PAM: variants seen among roughly 807,000 people sequenced by gnomAD.
PAM encodes peptidyl-glycine alpha-amidating monooxygenase.
A neutral mutation model predicts 122.1 loss-of-function variants in PAM; 72 were observed. That is an observed-to-expected ratio of 0.59 (90% CI 0.49 to 0.72). The LOEUF is 0.72. Among genes scored for constraint, PAM ranks in the 30% least tolerant of loss-of-function variants. The probability of loss-of-function intolerance (pLI) is 0.00; values close to 1 mark genes in which losing one functional copy is unlikely to be tolerated. For synonymous variants in PAM, 389 were observed against 404.4 expected (o/e 0.96, Z 0.46); for missense variants, 1,106 against 1,183.7 (o/e 0.93, Z 0.96).
At chr5:103,026,575 A>G (rs1019371930) in intron 24 of PAM, among the ~76,000 whole-genome samples, 3 of 152,336 alleles carry the variant, frequency 2.0e-5, no homozygotes, top group Admixed American at 6.5e-5. Flanking sequence ...GCAAAGAGAA[A>G]TAAACATAGT....
At chr5:103,018,317 A>G (rs1012747458) in intron 22 of PAM, among the ~76,000 whole-genome samples, 3 of 152,240 alleles carry the variant, frequency 2.0e-5, no homozygotes, top group South Asian at 2.1e-4. Flanking sequence ...AAAAACATAA[A>G]TTATAAAAAG....
chr5:103,002,749 G>C (rs1777777189), intron 16 of PAM, among the ~76,000 whole-genome samples: 2 of 152,110 alleles, frequency 1.3e-5, no homozygotes, highest in South Asian at 4.1e-4. Flanking sequence ...GTGAGCATAG[G>C]AACCACCCAA....
At chr5:102,886,426 A>G (rs1793114063) in intron 3 of PAM, among the ~76,000 whole-genome samples, 1 of 152,000 alleles carries the variant, frequency 6.6e-6, no homozygotes, top group Admixed American at 6.6e-5. Flanking sequence ...CAAGACTGAA[A>G]TGATTTTCCA....
intron 1 of PAM, among the ~76,000 whole-genome samples, chr5:102,798,061 A>C (rs1210705151): frequency 6.6e-6 from 1 of 152,178 alleles, no homozygotes; most frequent in Admixed American, 6.5e-5. Flanking sequence ...CCCCAGGATT[A>C]ACAGTTTCAG....
intron 3 of PAM, among the ~76,000 whole-genome samples, chr5:102,871,940 C>T (rs1380569892): frequency 6.6e-6 from 1 of 151,802 alleles, no homozygotes; most frequent in Non-Finnish European, 1.5e-5. Context: ...CTTACAAGTG[C>T]AAACAAATTT....
At chr5:102,918,003 C>T (rs953970248) in intron 5 of PAM, among the ~76,000 whole-genome samples, 4 of 152,124 alleles carry the variant, frequency 2.6e-5, no homozygotes, top group Non-Finnish European at 4.4e-5. Flanking sequence ...TAATTATATG[C>T]ATGTGCATTT....
Position 102,801,500 on chromosome 5 carries a change from G to C in PAM, c.-374+46152G>C, listed in dbSNP as rs1764685238. Among the ~76,000 whole-genome samples, 3 of 152,162 alleles carry C rather than the reference G, an allele frequency of 2.0e-5. No homozygotes were observed. The South Asian group carries it at 6.2e-4, about 32-fold the overall frequency. On this transcript the variant is annotated intron_variant, in intron 1 of 25. Transcript: ENST00000438793. ...GAAGGAATCGTAGCACTGTGGAACT[G>C]ACTGGCTGATTAATTTAAATCCAAA...
chr5:102,969,623 A>G (rs937934024), intron 14 of PAM, among the ~76,000 whole-genome samples: 2 of 152,220 alleles, frequency 1.3e-5, no homozygotes, highest in Admixed American at 1.3e-4. Context: ...AGAAGAACAC[A>G]GTTTTCTGAG....
At chr5:102,779,212 A>G (rs1757942023) in intron 1 of PAM, among the ~76,000 whole-genome samples, 1 of 151,366 alleles carries the variant, frequency 6.6e-6, no homozygotes, top group Non-Finnish European at 1.5e-5. Flanking sequence ...AAAAATATGC[A>G]TATATATGTG....
intron 7 of PAM, among the ~76,000 whole-genome samples, chr5:102,940,135 CACACACACACACACAT>C (rs1339844458): frequency 2.0e-5 from 3 of 150,920 alleles, no homozygotes; most frequent in East Asian, 3.9e-4. Context: ...CACACACACA[CACACACACACACACAT>C]ACACACACAC....
chr5:102,898,990 A>G (rs1220354590), intron 3 of PAM, among the ~76,000 whole-genome samples: 3 of 151,540 alleles, frequency 2.0e-5, no homozygotes, highest in Non-Finnish European at 4.4e-5. Context: ...TAACTATGAT[A>G]GAAACTTCTA....
At chr5:103,003,207 T>C (rs1234307778) in intron 17 of PAM, 58 bp downstream of exon 17, 4 of 779,638 alleles carry the variant, frequency 5.1e-6, no homozygotes, top group Non-Finnish European at 9.0e-6. Flanking sequence ...GTATAAAGTG[T>C]ATCATAGAGT....
At chr5:102,946,976 T>TA in intron 8 of PAM, 91 bp downstream of exon 8, 1 of 834,612 alleles carries the variant, frequency 1.2e-6, no homozygotes, top group Non-Finnish European at 2.0e-6. Context: ...TATCTGTGGG[T>TA]AAAAATTAAC....
chr5:102,827,902 G>GTA (rs1774160887), intron 1 of PAM, among the ~76,000 whole-genome samples: 1 of 13,966 alleles, frequency 7.2e-5, no homozygotes, highest in Admixed American at 8.6e-4. Context: ...TAGCCAGGAT[G>GTA]GTGAAGCTCA....
In PAM at chr5:103,009,862, G is replaced by T. The variant is rs757260560; in HGVS notation, c.2327G>T (p.Arg776Leu). Residue 776 changes from arginine to leucine, a missense_variant, in exon 21 of 26, where the codon CGC becomes CTC. By Grantham distance (102) the Arg-to-Leu change is moderately radical. Transcript: ENST00000438793. ...GEIIDIFKPV[R>L]KHFDMPHDIV... ...ATTATAGACATCTTCAAGCCAGTGC[G>T]CAAGGTATTTACACACATTGTCTAG... 1 of 1,546,394 alleles carries T rather than the reference G, an allele frequency of 6.5e-7. No individual in the cohort carries two copies. The highest frequency in any genetic ancestry group is 8.9e-7 in the Non-Finnish European group (1 of 1,121,980).
chr5:103,030,578 C>A (rs558713953), downstream of PAM: 1 of 152,300 alleles, frequency 6.6e-6, no homozygotes, highest in East Asian at 1.9e-4. Context: ...ATTCTGCCAA[C>A]CTGGGTTAAT....
intron 5 of PAM, among the ~76,000 whole-genome samples, chr5:102,922,912 A>G (rs888768674): frequency 6.6e-6 from 1 of 152,326 alleles, no homozygotes; most frequent in East Asian, 1.9e-4. Context: ...GCATCATCCA[A>G]CATCCTGAGC....
At chr5:102,876,024 T>C (rs1311877836) in intron 3 of PAM, among the ~76,000 whole-genome samples, 3 of 152,332 alleles carry the variant, frequency 2.0e-5, no homozygotes, top group Middle Eastern at 3.4e-3. Context: ...TTTTCATGAG[T>C]AAATGATTAT....
At chr5:102,822,555 AT>A (rs1226349160) in intron 1 of PAM, among the ~76,000 whole-genome samples, 30 of 150,456 alleles carry the variant, frequency 2.0e-4, no homozygotes, top group Admixed American at 6.6e-4. Flanking sequence ...CCAGGAATCG[AT>A]TTTTTTTTTC....
Sources: gnomAD v4.1 joint callset for allele counts (sites outside exome capture counted in the v4.1 genomes callset) on GRCh38, gnomAD v4.1.1 for gene constraint, MANE v1.5 for transcripts, NCBI Gene and HGNC (gene_info 2026-07-23, HGNC 2026-07-21) for gene names.